Variants in NXPE2 observed in about 807,000 individuals in gnomAD.
NXPE2 encodes neurexophilin and PC-esterase domain family member 2, also known as NXPE family member 2.
A neutral mutation model predicts 34.4 loss-of-function variants in NXPE2; 34 were observed. The ratio of observed to expected loss-of-function variants is 0.99; its 90% CI spans 0.75 to 1.31. The LOEUF (loss-of-function observed/expected upper bound fraction) is 1.31, where lower values mean the gene tolerates loss of function less well. Ranked by LOEUF, NXPE2 falls within the 40% of genes most tolerant of loss-of-function variation. The probability of loss-of-function intolerance (pLI) is 0.00; values close to 1 mark genes in which losing one functional copy is unlikely to be tolerated. For synonymous variants in NXPE2, 235 were observed against 231.3 expected, an observed-to-expected ratio of 1.02 and a Z score of -0.15; for missense variants, 649 against 672.5, an observed-to-expected ratio of 0.97 and a Z score of 0.39.
At chr11:114,467,557 C>T in the NXPE2 span, among the ~76,000 whole-genome samples, 1 of 152,100 alleles carries the variant, frequency 6.6e-6, no homozygotes, top group African/African-American at 2.4e-5. Context: ...ATCTGTATGC[C>T]TCAGTACTAG....
the NXPE2 span, among the ~76,000 whole-genome samples, chr11:114,719,623 C>G: frequency 6.6e-6 from 1 of 152,242 alleles, no homozygotes; most frequent in Non-Finnish European, 1.5e-5. Context: ...CTTTGCTTCT[C>G]CAGGCCTAAT....
the NXPE2 span, among the ~76,000 whole-genome samples, chr11:114,762,440 A>G: frequency 6.6e-6 from 1 of 152,290 alleles, no homozygotes; most frequent in East Asian, 1.9e-4. Flanking sequence ...AGAGAAAATT[A>G]AAAGAGCAAT....
chr11:114,583,425 A>G, the NXPE2 span: 57,715 of 656,204 alleles, frequency 0.088, 3,080 homozygotes, highest in Middle Eastern at 0.16. Context: ...CACCCTCACA[A>G]AGCCAATGCT....
At chr11:114,640,471 C>T in the NXPE2 span, among the ~76,000 whole-genome samples, 14 of 151,504 alleles carry the variant, frequency 9.2e-5, no homozygotes, top group Admixed American at 4.6e-4. Flanking sequence ...GGGTAGACAC[C>T]AAGTAGTGGG....
chr11:114,618,767 T>C, the NXPE2 span, among the ~76,000 whole-genome samples: 2 of 151,830 alleles, frequency 1.3e-5, no homozygotes, highest in Non-Finnish European at 2.9e-5. Flanking sequence ...CACTGTTATC[T>C]GGTGGATAAA....
intron 2 of NXPE2, 41 bp downstream of exon 2, chr11:114,679,803 G>A (rs1950918568): frequency 4.8e-6 from 6 of 1,241,904 alleles, no homozygotes; most frequent in East Asian, 2.5e-5. Context: ...GAAGGTCACG[G>A]TGACTTCATT....
the NXPE2 span, among the ~76,000 whole-genome samples, chr11:114,491,078 C>T: frequency 2.2e-3 from 311 of 144,306 alleles, 1 homozygote; most frequent in African/African-American, 6.6e-3. Flanking sequence ...AGGAGAATGG[C>T]GTGAACCCGG....
chr11:114,691,102 A>G (rs1256365401), intron 2 of NXPE2, among the ~76,000 whole-genome samples: 1 of 151,976 alleles, frequency 6.6e-6, no homozygotes, highest in Non-Finnish European at 1.5e-5. Context: ...GTTAATATAC[A>G]TTGTTTGTGA....
At chr11:114,575,243 T>C in the NXPE2 span, among the ~76,000 whole-genome samples, 2,652 of 152,120 alleles carry the variant, frequency 0.017, 75 homozygotes, top group African/African-American at 0.061. Flanking sequence ...TAATACTGAA[T>C]GGGGAAAAGT....
chr11:114,531,041 G>T, the NXPE2 span: 1 of 964,934 alleles, frequency 1.0e-6, no homozygotes, highest in Non-Finnish European at 1.4e-6. Context: ...TTGAATATTT[G>T]GTAATAAAGT....
At chr11:114,670,716 A>G in the NXPE2 span, among the ~76,000 whole-genome samples, 2 of 151,890 alleles carry the variant, frequency 1.3e-5, no homozygotes, top group Non-Finnish European at 2.9e-5. Context: ...TAAAAGTAAA[A>G]CAAGCAAACA....
chr11:114,638,465 C>A, the NXPE2 span, among the ~76,000 whole-genome samples: 1 of 152,056 alleles, frequency 6.6e-6, no homozygotes, highest in African/African-American at 2.4e-5. Flanking sequence ...TCTCTCAACT[C>A]ATCAAAGTCA....
At chr11:114,620,539 G>A in the NXPE2 span, among the ~76,000 whole-genome samples, 1 of 151,854 alleles carries the variant, frequency 6.6e-6, no homozygotes, top group Non-Finnish European at 1.5e-5. Flanking sequence ...TAGATAATAA[G>A]TGTTGCCTCT....
the NXPE2 span, among the ~76,000 whole-genome samples, chr11:114,665,510 G>A: frequency 6.6e-6 from 1 of 152,098 alleles, no homozygotes; most frequent in African/African-American, 2.4e-5. Context: ...AAAGCCTGAG[G>A]TTCTCAAAGC....
chr11:114,524,343 C>T, the NXPE2 span, among the ~76,000 whole-genome samples: 2 of 152,226 alleles, frequency 1.3e-5, no homozygotes, highest in Non-Finnish European at 2.9e-5. Flanking sequence ...CTGCTTTACC[C>T]TCCTTGCTTA....
chr11:114,801,065 CACTG>C, the NXPE2 span, among the ~76,000 whole-genome samples: 124,380 of 151,710 alleles, frequency 0.82, 51,492 homozygotes, highest in East Asian at 0.92. Context: ...ATTCAACAAA[CACTG>C]AGCACTTCTC....
At chr11:114,644,147 G>A in the NXPE2 span, among the ~76,000 whole-genome samples, 1 of 152,306 alleles carries the variant, frequency 6.6e-6, no homozygotes, top group African/African-American at 2.4e-5. Flanking sequence ...AGCTTAAGGA[G>A]ATTTTGGGCT....
At chr11:114,676,912 A>C (rs771302102), upstream of NXPE2, among the ~76,000 whole-genome samples, 16 of 152,032 alleles carry the variant, frequency 1.1e-4, no homozygotes, top group Non-Finnish European at 1.5e-5. Context: ...ACACATAAAC[A>C]GTTGGGTGTT....
intron 3 of NXPE2, among the ~76,000 whole-genome samples, chr11:114,703,067 A>G (rs1951396171): frequency 6.6e-6 from 1 of 152,136 alleles, no homozygotes. Flanking sequence ...CTGTGCTGGC[A>G]CTCGAAATAT....
Sources: gnomAD v4.1 joint callset for allele counts (sites outside exome capture counted in the v4.1 genomes callset) on GRCh38, gnomAD v4.1.1 for gene constraint, MANE v1.5 for transcripts, NCBI Gene and HGNC (gene_info 2026-07-23, HGNC 2026-07-21) for gene names.